The following CPAMD8 variants were observed in gnomAD, a reference collection of about 807,000 sequenced individuals.
CPAMD8 encodes the protein C3 and PZP-like alpha-2-macroglobulin domain-containing protein 8.
A neutral mutation model predicts 224.7 loss-of-function variants in CPAMD8; 146 were observed. The observed-to-expected ratio is 0.65, with a 90% confidence interval of 0.57 to 0.75. CPAMD8 has a LOEUF of 0.75. CPAMD8 is among the 30% of genes least tolerant of loss of function. The pLI is 0.00. For missense variants in CPAMD8, 2,301 were observed against 2,537.5 expected (o/e 0.91, Z 2.00); for synonymous variants, 966 against 1,044.6 (o/e 0.92, Z 1.45).
rs893318396 is a variant in CPAMD8, at chr19:16,985,737, G to T, written c.1395+3906C>A. Among the ~76,000 whole-genome samples, 8 of 150,866 alleles carry T rather than the reference G, an allele frequency of 5.3e-5. No homozygotes were observed. In the East Asian group the frequency reaches 1.2e-3, roughly 22 times the overall value. On this transcript the variant is annotated intron_variant, in intron 13 of 41. Coordinates refer to ENST00000443236, the MANE Select transcript of CPAMD8 (RefSeq NM_015692.5). The stretch of plus-strand genomic sequence containing the variant: ...ATGAGTGGATAAAGGGTAGTAGGTG[G>T]ATGGATGGGTGGAGGGAGGGAGGAA...
rs1259627647 is a variant in CPAMD8 at position 16,914,681 on chromosome 19, G to A, written c.3762C>T (p.Gly1254=). ...QQADGSFLAV[G]RVLNKDIQGG... ...CCTGGATGTCCTTGTTCAGGACCCT[G>A]CCCACGGCCAGGAAGGAGCCATCGG... Residue 1254 remains glycine, a synonymous_variant, in exon 28 of 42, where the codon GGC becomes GGT. Coordinates refer to ENST00000443236, the MANE Select transcript of CPAMD8 (RefSeq NM_015692.5). 11 of 1,613,962 alleles carry A rather than the reference G, an allele frequency of 6.8e-6. No homozygotes were observed. Among genetic ancestry groups the A allele is most frequent in the Middle Eastern group, 1.6e-4 (1 of 6,080 alleles).
chr19:17,018,717 TACACACACACACACACACACAC>T (rs367984655), intron 3 of CPAMD8, among the ~76,000 whole-genome samples: 1 of 136,732 alleles, frequency 7.3e-6, no homozygotes, highest in Non-Finnish European at 1.6e-5. Flanking sequence ...CTACTAAAAA[TACACACACACACACACACACAC>T]ACACACACAC....
Position 16,993,141 on chromosome 19 carries a change from C to T in CPAMD8, c.1266+275G>A, listed in dbSNP as rs559680096. On this transcript the variant is annotated intron_variant, in intron 12 of 41. Coordinates refer to ENST00000443236, the MANE Select transcript of CPAMD8 (RefSeq NM_015692.5). ...GCTGTTCCACCCGCCCAGAAGCAGC[C>T]TGGCTGACTTCCCCATGGTCAGGAG... 5.9e-5 allele frequency among the ~76,000 whole-genome samples: 9 copies of T among 152,320 alleles called. No homozygotes were observed. The East Asian group carries it at 1.7e-3, about 29-fold the overall frequency.
At chr19:16,985,423 G>A (rs2055683760) in intron 13 of CPAMD8, among the ~76,000 whole-genome samples, 1 of 151,230 alleles carries the variant, frequency 6.6e-6, no homozygotes, top group Non-Finnish European at 1.5e-5. Flanking sequence ...AAGAAAGAAA[G>A]GAGGAAAAGA....
intron 30 of CPAMD8, among the ~76,000 whole-genome samples, chr19:16,906,404 T>TTCTCTCTC (rs1166944544): frequency 1.2e-5 from 1 of 83,876 alleles, no homozygotes; most frequent in African/African-American, 4.8e-5. Context: ...CTTTCTTTCT[T>TTCTCTCTC]TCTTTCCTTC....
At chr19:16,943,452 G>A (rs914948803) in intron 22 of CPAMD8, among the ~76,000 whole-genome samples, 1 of 151,924 alleles carries the variant, frequency 6.6e-6, no homozygotes, top group African/African-American at 2.4e-5. Context: ...TTTCCAGGCT[G>A]AGTATAGTGG....
chr19:16,939,179 T>C (rs144621709), intron 22 of CPAMD8, among the ~76,000 whole-genome samples: 1,148 of 80,832 alleles, frequency 0.014, 14 homozygotes, highest in African/African-American at 0.048. Context: ...ATTTATTTAT[T>C]TATTTATTTA....
At chr19:16,967,988 G>C (rs1273114998) in intron 18 of CPAMD8, among the ~76,000 whole-genome samples, 1 of 82,288 alleles carries the variant, frequency 1.2e-5, no homozygotes, top group Admixed American at 1.5e-4. Context: ...TTACAAAAAA[G>C]CATGGGCACT....
chr19:16,896,814 A>T (rs1414414920), intron 39 of CPAMD8, 149 bp from the exon 40 acceptor site: 8 of 451,534 alleles, frequency 1.8e-5, no homozygotes, highest in African/African-American at 1.4e-4. Flanking sequence ...GGAGGTCCTG[A>T]GCCCTGGCCT....
At position 16,952,155 on chromosome 19, in the gene CPAMD8, G is replaced by C. The variant is rs1382080792; in HGVS notation, c.2322C>G (p.Ser774=). The part of the protein sequence containing the change: ...EGTLSVKVPD[S]ITSWVGEAVA... Reference sequence around the variant, plus strand: ...CGGCCTCACCCACCCAGCTGGTGATGGAGTCCGGGACCTTCACACTGAGTG... The same window carrying C: ...CGGCCTCACCCACCCAGCTGGTGATCGAGTCCGGGACCTTCACACTGAGTG... Residue 774 remains serine (S), a synonymous_variant, in exon 20 of 42, where the codon TCC becomes TCG. Transcript: ENST00000443236. 6.4e-7 allele frequency: 1 copy of C among 1,550,922 alleles called. No homozygotes were observed.
intron 13 of CPAMD8, among the ~76,000 whole-genome samples, chr19:16,985,699 G>A (rs2055696459): frequency 6.6e-6 from 1 of 150,534 alleles, no homozygotes; most frequent in Non-Finnish European, 1.5e-5. Flanking sequence ...AAGGGTGGAT[G>A]GATGGAGGGA....
intron 23 of CPAMD8, among the ~76,000 whole-genome samples, chr19:16,937,801 T>C (rs1373649943): frequency 3.3e-5 from 5 of 152,082 alleles, no homozygotes; most frequent in Admixed American, 2.0e-4. Flanking sequence ...TACAGGTGCG[T>C]GCCACCACGA....
chr19:16,897,741 C>T lies in CPAMD8; in HGVS notation c.5015G>A (p.Cys1672Tyr), dbSNP rs913873908. The T allele has an allele frequency of 6.3e-7, 1 of 1,576,634 alleles. No individual in the cohort carries two copies. The highest frequency in any genetic ancestry group is 8.6e-7 in the Non-Finnish European group (1 of 1,164,196). ...CACTTCGTTGCACGCGGGTCCGGCGCACAGTTCCCGGGCGAGTGGGCTGTG... is the reference window on the plus strand; with the variant it reads ...CACTTCGTTGCACGCGGGTCCGGCGTACAGTTCCCGGGCGAGTGGGCTGTG... ...STHSPLARELCAGPACNEVER... is the reference protein window; with the variant it reads ...STHSPLARELYAGPACNEVER... The change falls in exon 39 of 42, where the codon TGC becomes TAC. Residue 1672 changes from cysteine (C) to tyrosine (Y), a missense_variant. Coordinates refer to ENST00000443236, the MANE Select transcript of CPAMD8 (RefSeq NM_015692.5).
At chr19:16,965,468 C>A (rs532574606) in intron 18 of CPAMD8, among the ~76,000 whole-genome samples, 3 of 152,206 alleles carry the variant, frequency 2.0e-5, no homozygotes, top group African/African-American at 4.8e-5. Context: ...TCCTATTCAA[C>A]GTAGTGTTGG....
chr19:16,913,180 G>A (rs1238162363), intron 29 of CPAMD8, among the ~76,000 whole-genome samples: 1 of 152,128 alleles, frequency 6.6e-6, no homozygotes, highest in South Asian at 2.1e-4. Flanking sequence ...GCATTTGGGA[G>A]GTGACATATT....
chr19:17,026,252 C>T (rs1237102707), intron 1 of CPAMD8, among the ~76,000 whole-genome samples: 2 of 152,206 alleles, frequency 1.3e-5, no homozygotes, highest in Non-Finnish European at 2.9e-5. Flanking sequence ...ACCTTCATAC[C>T]TTGGACAACT....
intron 9 of CPAMD8, among the ~76,000 whole-genome samples, chr19:17,001,558 CA>C (rs1011585961): frequency 2.8e-5 from 4 of 143,738 alleles, no homozygotes; most frequent in African/African-American, 1.1e-4. Context: ...AAGGAATACA[CA>C]GCGGGAGAGG....
intron 27 of CPAMD8, 91 bp downstream of exon 27, chr19:16,921,814 G>T: frequency 5.0e-6 from 4 of 793,882 alleles, no homozygotes; most frequent in South Asian, 3.2e-5. Context: ...GGGATCAGGC[G>T]CCAAGTGATC....
At chr19:16,974,126 C>T (rs764213378) in intron 17 of CPAMD8, among the ~76,000 whole-genome samples, 3 of 151,324 alleles carry the variant, frequency 2.0e-5, no homozygotes, top group Non-Finnish European at 2.9e-5. Flanking sequence ...CCGCGCTCAG[C>T]CAGCATTAGC....
Sources: gnomAD v4.1 joint callset for allele counts (sites outside exome capture counted in the v4.1 genomes callset) on GRCh38, gnomAD v4.1.1 for gene constraint, MANE v1.5 for transcripts, NCBI Gene and HGNC (gene_info 2026-07-23, HGNC 2026-07-21) for gene names.